Variants in USP54 observed in about 807,000 individuals in gnomAD.
USP54 encodes ubiquitin specific peptidase 54, also known as ubiquitin carboxyl-terminal hydrolase 54.
Under a neutral mutation model 170.5 loss-of-function variants are expected in USP54, and 87 were observed. That is an observed-to-expected ratio of 0.51 (90% confidence interval 0.43 to 0.61). USP54 has a LOEUF of 0.61. Ranked by LOEUF, USP54 falls within the 20% of genes least tolerant of loss-of-function variation. USP54 has a pLI of 0.00. For missense variants in USP54, 1,786 were observed against 2,047.8 expected (o/e 0.87, Z 2.47); for synonymous variants, 655 against 742.8 (o/e 0.88, Z 1.92).
intron 4 of USP54, among the ~76,000 whole-genome samples, chr10:73,560,734 G>A (rs1055416460): frequency 1.8e-4 from 27 of 148,314 alleles, no homozygotes; most frequent in African/African-American, 6.7e-4. Flanking sequence ...CCATCAAATA[G>A]GACAAGAGTG....
chr10:73,594,077 C>CT (rs1035195917), upstream of USP54, among the ~76,000 whole-genome samples: 109 of 146,290 alleles, frequency 7.5e-4, no homozygotes, highest in East Asian at 4.6e-3. Context: ...ATAAAAGACT[C>CT]TTTTTTTTTT....
intron 4 of USP54, among the ~76,000 whole-genome samples, chr10:73,548,696 A>T (rs550842101): frequency 6.6e-5 from 10 of 152,264 alleles, no homozygotes; most frequent in African/African-American, 2.4e-4. Context: ...ACTTGGACAC[A>T]GGGCAGGGAA....
In USP54 at chr10:73,517,905, T is replaced by C. The variant is rs554643987; in HGVS notation, c.2679-158A>G. Among the ~76,000 whole-genome samples, 253 of 152,232 alleles carry C rather than the reference T, an allele frequency of 1.7e-3. 1 individual carries two copies. Among genetic ancestry groups the C allele is most frequent in the African/African-American group, 5.9e-3 (244 of 41,538 alleles). The stretch of plus-strand genomic sequence containing the variant: ...CAAGTAGAGTCAGTAGTTCAGAGGA[T>C]CACAAAAGAAAAGGCACATGGTCAG... On this transcript the variant is annotated intron_variant, in intron 19 of 23. Coordinates refer to ENST00000687698, the MANE Select transcript of USP54 (RefSeq NM_001391956.1).
Position 73,498,562 on chromosome 10 carries a change from C to A in USP54, c.*67G>T. On this transcript the variant is annotated 3_prime_UTR_variant, in exon 24 of 24. Transcript: ENST00000687698. ...GTGCTGGGATTACAGGTGTGAGCCACCGCGCCCGGCCCACAGTACAGTTTT... is the reference window on the plus strand; with the variant it reads ...GTGCTGGGATTACAGGTGTGAGCCAACGCGCCCGGCCCACAGTACAGTTTT... The A allele has an allele frequency of 6.8e-7, 1 of 1,461,314 alleles. No individual in the cohort carries two copies. The allele number at this position is 1,461,314 out of a possible 1,614,324, so 90.5% of individuals were successfully genotyped here.
intron 20 of USP54, among the ~76,000 whole-genome samples, chr10:73,509,814 C>T (rs1328791072): frequency 1.3e-5 from 2 of 151,660 alleles, no homozygotes; most frequent in East Asian, 3.9e-4. Flanking sequence ...TAGAGACCAA[C>T]CTGGGCAACA....
intron 20 of USP54, among the ~76,000 whole-genome samples, chr10:73,513,724 TAA>T (rs773536914): frequency 1.3e-5 from 2 of 152,202 alleles, no homozygotes. Context: ...ATGAAAACAT[TAA>T]GAGTGAGATT....
chr10:73,526,256 C>CT (rs994545177), intron 16 of USP54, among the ~76,000 whole-genome samples: 11 of 151,314 alleles, frequency 7.3e-5, no homozygotes, highest in African/African-American at 1.9e-4. Context: ...TAACTGTCCT[C>CT]TTTTTTTTTG....
intron 4 of USP54, among the ~76,000 whole-genome samples, chr10:73,569,937 A>C (rs1376000556): frequency 3.7e-5 from 5 of 135,400 alleles, no homozygotes; most frequent in African/African-American, 1.2e-4. Context: ...AAAAAAAAAA[A>C]AAACACCCTC....
At chr10:73,592,581 C>T (rs955157610), upstream of USP54, among the ~76,000 whole-genome samples, 3 of 151,858 alleles carry the variant, frequency 2.0e-5, no homozygotes, top group Admixed American at 2.0e-4. Flanking sequence ...AATGCCATTT[C>T]AAAGTGTGAA....
chr10:73,599,591 G>A (rs574132484), intron 1 of USP54, among the ~76,000 whole-genome samples: 6 of 152,184 alleles, frequency 3.9e-5, no homozygotes, highest in African/African-American at 1.2e-4. Flanking sequence ...TCAGCACCCC[G>A]AAATGTAATT....
At chr10:73,509,307 T>TA (rs1249358853) in intron 20 of USP54, among the ~76,000 whole-genome samples, 1 of 151,472 alleles carries the variant, frequency 6.6e-6, no homozygotes, top group Non-Finnish European at 1.5e-5. Flanking sequence ...GTTTGTCTTT[T>TA]AAAAAAGAAT....
Position 73,519,783 on chromosome 10 carries a change from T to C in USP54, c.2678+14A>G, listed in dbSNP as rs780957535. ...CCCTGGCATTCATAAACTAACATGG[T>C]TCCCAAGCACTACCTTGTTGGCTGA... On this transcript the variant is annotated intron_variant, in intron 19 of 23. Transcript: ENST00000687698. 3.7e-6 allele frequency: 6 copies of C among 1,613,454 alleles called. No homozygotes were observed. The highest frequency in any genetic ancestry group is 3.4e-6 in the Non-Finnish European group (4 of 1,179,878).
At chr10:73,619,266 T>C (rs2080896599) in intron 1 of USP54, among the ~76,000 whole-genome samples, 1 of 150,156 alleles carries the variant, frequency 6.7e-6, no homozygotes, top group African/African-American at 2.5e-5. Context: ...GTCTGTTAGT[T>C]ACTCAGCCTG....
chr10:73,536,425 A>G lies in USP54; in HGVS notation c.988T>C (p.Trp330Arg). The change falls in exon 11 of 24, where the codon TGG (tryptophan) becomes CGG (arginine). Residue 330 changes from tryptophan to arginine, a missense_variant. Transcript: ENST00000687698. ...ATGCATTTGGTCACCACATCCTTCC[A>G]TTTGGGCCCAATCTGAACCAGAAAC... ...DAHVKEIGPK[W>R]KDVVTKCIKG... 6.4e-7 allele frequency: 1 copy of G among 1,550,488 alleles called. No homozygotes were observed. Among genetic ancestry groups the G allele is most frequent in the African/African-American group, 1.4e-5 (1 of 73,058 alleles).
intron 5 of USP54, 91 bp from the exon 6 acceptor site, chr10:73,543,222 C>A: frequency 2.3e-6 from 2 of 859,088 alleles, no homozygotes; most frequent in Non-Finnish European, 3.8e-6. Context: ...AAACAGCAAC[C>A]CTTCTGGAAG....
intron 22 of USP54, among the ~76,000 whole-genome samples, chr10:73,502,963 C>T (rs1166229548): frequency 1.3e-5 from 2 of 152,120 alleles, no homozygotes; most frequent in African/African-American, 4.8e-5. Flanking sequence ...CATCCTTTAT[C>T]CCCACTCCCA....
chr10:73,581,299 A>G (rs2076875340), intron 1 of USP54, among the ~76,000 whole-genome samples: 1 of 152,230 alleles, frequency 6.6e-6, no homozygotes, highest in Non-Finnish European at 1.5e-5. Context: ...TCATCTTATT[A>G]CGTATTTCCT....
chr10:73,625,339 G>T (rs909213492), intron 1 of USP54, among the ~76,000 whole-genome samples: 2 of 151,400 alleles, frequency 1.3e-5, no homozygotes, highest in Admixed American at 1.3e-4. Context: ...CGCATCTCAA[G>T]AGTGTCCGTG....
At chr10:73,593,529 G>A (rs1458345834), upstream of USP54, among the ~76,000 whole-genome samples, 1 of 152,150 alleles carries the variant, frequency 6.6e-6, no homozygotes, top group Non-Finnish European at 1.5e-5. Context: ...GTATTCTAAA[G>A]TTGGATGACT....
Sources: allele counts gnomAD v4.1 joint callset (sites outside exome capture counted in the v4.1 genomes callset), GRCh38; gene constraint gnomAD v4.1.1; transcripts MANE v1.5; gene names NCBI Gene and HGNC (gene_info 2026-07-23, HGNC 2026-07-21).